SPATA7: variants seen among roughly 807,000 people sequenced by gnomAD.
SPATA7 encodes the protein spermatogenesis-associated protein 7.
A neutral mutation model predicts 51.8 loss-of-function variants in SPATA7; 43 were observed. The observed-to-expected ratio is 0.83, with a 90% CI of 0.65 to 1.07. The LOEUF is 1.07. Among genes scored for constraint, SPATA7 ranks in the 50% least tolerant of loss-of-function variants. The pLI, the probability that SPATA7 is intolerant of heterozygous loss-of-function variation, is 0.00. For synonymous variants in SPATA7, 230 were observed against 252.8 expected (o/e 0.91, Z 0.86); for missense variants, 683 against 701.3 (o/e 0.97, Z 0.30).
chr14:88,448,405 T>G (rs1231538504), intron 3 of SPATA7, among the ~76,000 whole-genome samples: 1 of 152,198 alleles, frequency 6.6e-6, no homozygotes, highest in African/African-American at 2.4e-5. Context: ...TTTCAAAGTT[T>G]TCAACTTCTT....
chr14:88,391,098 TG>T (rs2075731918), intron 1 of SPATA7, among the ~76,000 whole-genome samples: 1 of 152,192 alleles, frequency 6.6e-6, no homozygotes, highest in African/African-American at 2.4e-5. Context: ...GTGTCCTCCT[TG>T]TTATAGCTTT....
chr14:88,468,859 T>G, intron 4 of SPATA7: 1 of 1,608,236 alleles, frequency 6.2e-7, no homozygotes, highest in Non-Finnish European at 8.5e-7. Context: ...ACTATGTCCC[T>G]CTCTTCCCCA....
chr14:88,463,544 A>G (rs1267085195), intron 4 of SPATA7, among the ~76,000 whole-genome samples: 1 of 152,112 alleles, frequency 6.6e-6, no homozygotes, highest in Non-Finnish European at 1.5e-5. Flanking sequence ...ACACATACAG[A>G]TACGGTTTGG....
At chr14:88,429,280 T>C (rs760453535) in intron 7 of SPATA7, 68 bp from the exon 8 acceptor site, 12 of 821,412 alleles carry the variant, frequency 1.5e-5, no homozygotes, top group Non-Finnish European at 2.1e-5. Context: ...TAAAATTTGC[T>C]GTGTTATATT....
downstream of SPATA7, among the ~76,000 whole-genome samples, chr14:88,442,243 G>A (rs2077183001): frequency 6.6e-6 from 1 of 152,072 alleles, no homozygotes; most frequent in Admixed American, 6.6e-5. Flanking sequence ...AGGCTGGAGT[G>A]CAGTGGTGTG....
chr14:88,438,009 G>T lies in SPATA7; in HGVS notation c.1387G>T (p.Glu463Ter). The change falls in exon 12 of 12, where the codon GAA (glutamate) becomes TAA (stop). Residue 463 changes from glutamate (E) to a stop codon, truncating the protein, a stop_gained. Transcript: ENST00000393545. LOFTEE classifies it low-confidence loss of function (END_TRUNC). ...KNESEVTIQQ[E>*]RQQYQKALDM... ...TGAAAGTGAAGTAACAATTCAGCAG[G>T]AACGTCAACAATACCAAAAGGCTTT... 1.2e-6 allele frequency: 2 copies of T among 1,614,026 alleles called. No individual in the cohort carries two copies. The highest frequency in any genetic ancestry group is 1.7e-6 in the Non-Finnish European group (2 of 1,179,996).
chr14:88,426,172 A>G (rs2139995053), intron 5 of SPATA7, 60 bp from the exon 6 acceptor site: 1 of 1,255,352 alleles, frequency 8.0e-7, no homozygotes, highest in South Asian at 1.3e-5. Context: ...TATAATCTCA[A>G]AATCCCCAAT....
chr14:88,464,176 G>A (rs970395690), intron 4 of SPATA7, among the ~76,000 whole-genome samples: 1 of 152,054 alleles, frequency 6.6e-6, no homozygotes, highest in Non-Finnish European at 1.5e-5. Flanking sequence ...AGATAGTAGG[G>A]TAAATGGAGT....
At chr14:88,385,948 A>C (rs762948544) in intron 1 of SPATA7, 111 bp downstream of exon 1, 4 of 1,537,454 alleles carry the variant, frequency 2.6e-6, no homozygotes, top group Non-Finnish European at 3.5e-6. Flanking sequence ...GGCGCTTCCT[A>C]CCCCTGGCTG....
At position 88,385,785 on chromosome 14, in the gene SPATA7, G is replaced by T; in HGVS notation, c.-34G>T. 6.3e-7 allele frequency: 1 copy of T among 1,589,872 alleles called. No homozygotes were observed. The highest frequency in any genetic ancestry group is 2.3e-5 in the East Asian group (1 of 44,392). ...CGCGGGAAGGACCGAAGGGGATACA[G>T]CGTGTCCCTGCGGCGGCTGCAAGAG... On this transcript the variant is annotated 5_prime_UTR_variant, in exon 1 of 12. Transcript: ENST00000393545.
chr14:88,410,223 C>G lies in SPATA7; in HGVS notation c.239-6488C>G, dbSNP rs550093232. On this transcript the variant is annotated intron_variant, in intron 4 of 11. Transcript: ENST00000393545. ...TCTCCCACTGTTATTGTGTGGCAGT[C>G]TAAGTCTCTTTGTAGGTCTCAAGAA... Among the ~76,000 whole-genome samples, 4 of 152,250 alleles carry G rather than the reference C, an allele frequency of 2.6e-5. No homozygotes were observed. The South Asian group carries it at 8.3e-4, about 32-fold the overall frequency.
chr14:88,460,653 A>G (rs960802906), intron 4 of SPATA7, among the ~76,000 whole-genome samples: 3 of 152,096 alleles, frequency 2.0e-5, no homozygotes, highest in Non-Finnish European at 4.4e-5. Context: ...AGTGGGTTCA[A>G]ACTTCCTCCT....
At chr14:88,411,684 A>G (rs57671271) in intron 4 of SPATA7, among the ~76,000 whole-genome samples, 5,353 of 151,860 alleles carry the variant, frequency 0.035, 309 homozygotes, top group African/African-American at 0.12. Context: ...GCTTCAGCTC[A>G]CCCTCCGTGG....
rs778644077 is a variant in SPATA7, at chr14:88,429,481, G to T, written c.1028+18G>T. 5.3e-6 allele frequency: 8 copies of T among 1,511,276 alleles called. No individual in the cohort carries two copies. The highest frequency in any genetic ancestry group is 3.4e-5 in the Admixed American group (2 of 59,602). 93.6% of individuals were successfully genotyped at this position (1,511,276 alleles called of 1,614,324 possible). A position where few individuals can be genotyped will look rare whatever the true frequency, so the allele number is the denominator to read the frequency against. ...TCACCAAGGTAAACAGTTCACAGGA[G>T]AAATAATTTCAACTGTCTTTAATTG... On this transcript the variant is annotated intron_variant, in intron 8 of 11. Coordinates refer to ENST00000393545, the MANE Select transcript of SPATA7 (RefSeq NM_018418.5).
chr14:88,438,228 A>G lies in SPATA7; in HGVS notation c.1606A>G (p.Thr536Ala), dbSNP rs200231959. 1.8e-4 allele frequency: 285 copies of G among 1,613,994 alleles called. No homozygotes were observed. Among genetic ancestry groups the G allele is most frequent in the Non-Finnish European group, 2.2e-4 (258 of 1,180,014 alleles). The change falls in exon 12 of 12, where the codon ACT (threonine) becomes GCT (alanine). Residue 536 changes from threonine (T) to alanine (A), a missense_variant. Transcript: ENST00000393545. ...SISDSLTDRETSVNVIEGDSD... is the reference protein window; with the variant it reads ...SISDSLTDREASVNVIEGDSD... ...TTCAGACAGTTTAACAGATCGGGAA[A>G]CTTCTGTGAATGTCATTGAAGGTGA...
chr14:88,406,397 A>G (rs1483436273), intron 4 of SPATA7, among the ~76,000 whole-genome samples: 1 of 150,398 alleles, frequency 6.6e-6, no homozygotes, highest in Non-Finnish European at 1.5e-5. Context: ...GCCACGCTGC[A>G]AATTCCTACC....
intron 4 of SPATA7, among the ~76,000 whole-genome samples, chr14:88,402,936 A>C (rs1287407793): frequency 4.9e-5 from 7 of 141,540 alleles, no homozygotes; most frequent in Non-Finnish European, 9.2e-5. Context: ...CCAACTGTGT[A>C]AGTAATAAGT....
intron 1 of SPATA7, 37 bp downstream of exon 1, chr14:88,385,874 C>G (rs1298373320): frequency 1.3e-6 from 2 of 1,585,352 alleles, no homozygotes; most frequent in South Asian, 1.2e-5. Context: ...GCCGCCTCGC[C>G]CCTCGCTCCA....
At position 88,469,862 on chromosome 14, in the gene SPATA7, GATTAAC is replaced by G. The variant is rs751114555; in HGVS notation, c.*2_*7del. 1 of 1,609,846 alleles carries G rather than the reference GATTAAC, an allele frequency of 6.2e-7. No homozygotes were observed. The highest frequency in any genetic ancestry group is 1.7e-5 in the Admixed American group (1 of 60,002). ...TTCTCCACAGGTCAGGATTCCAGAT[GATTAAC>G]ATTAACTGTTCTTCAGAGGCTGAGA... is the stretch of plus-strand genomic sequence containing the variant. On this transcript the variant is annotated stop_retained_variant and 3_prime_UTR_variant, in exon 5 of 5. Transcript: ENST00000556406. This position sits in a 1 kb window ranked among gnomAD's most constrained non-coding sequence, Gnocchi z 4.3.
Sources: allele counts gnomAD v4.1 joint callset (sites outside exome capture counted in the v4.1 genomes callset), GRCh38; gene constraint gnomAD v4.1.1; non-coding constraint Gnocchi (gnomAD v3.1); transcripts MANE v1.5; gene names NCBI Gene and HGNC (gene_info 2026-07-23, HGNC 2026-07-21).